Variants in CA10 observed in about 807,000 individuals in gnomAD.
CA10 encodes carbonic anhydrase 10 (inactive).
In CA10, 14 loss-of-function variants were observed where a neutral mutation model predicts 44.2. The observed-to-expected ratio is 0.32, with a 90% CI of 0.21 to 0.50. The LOEUF is 0.50. Ranked by LOEUF, CA10 falls within the 20% of genes least tolerant of loss-of-function variation. The probability of loss-of-function intolerance (pLI) is 0.99; values close to 1 mark genes in which losing one functional copy is unlikely to be tolerated. For missense variants in CA10, 350 were observed against 409.7 expected (o/e 0.85, Z 1.26); for synonymous variants, 159 against 141.6 (o/e 1.12, Z -0.87).
chr17:52,019,063 G>A (rs1215716014), intron 2 of CA10, among the ~76,000 whole-genome samples: 4 of 152,044 alleles, frequency 2.6e-5, no homozygotes, highest in African/African-American at 9.7e-5. Flanking sequence ...GCTTCTGGGG[G>A]CCATCACCAC....
intron 1 of CA10, among the ~76,000 whole-genome samples, chr17:52,080,471 A>C (rs1396955718): frequency 1.4e-5 from 2 of 147,658 alleles, no homozygotes; most frequent in Non-Finnish European, 3.0e-5. Context: ...TAAATAAATA[A>C]ATAAATAAAT....
chr17:52,005,719 T>TA (rs1233792038), intron 2 of CA10, among the ~76,000 whole-genome samples: 7 of 151,948 alleles, frequency 4.6e-5, no homozygotes, highest in Admixed American at 4.6e-4. Flanking sequence ...AAGATCCTTT[T>TA]ACATCCTCAC....
At chr17:51,824,325 T>C (rs1907929445) in intron 3 of CA10, among the ~76,000 whole-genome samples, 1 of 152,146 alleles carries the variant, frequency 6.6e-6, no homozygotes, top group Admixed American at 6.5e-5. Flanking sequence ...ATACATCCCT[T>C]CAGGTAGTTT....
intron 3 of CA10, among the ~76,000 whole-genome samples, chr17:51,801,847 C>T (rs1489896653): frequency 3.3e-5 from 5 of 152,192 alleles, no homozygotes; most frequent in Non-Finnish European, 7.3e-5. Context: ...GTGTAATTCC[C>T]ATAGTGGTTC....
chr17:51,774,802 A>G (rs921273574), intron 3 of CA10, among the ~76,000 whole-genome samples: 2 of 152,072 alleles, frequency 1.3e-5, no homozygotes, highest in African/African-American at 4.8e-5. Flanking sequence ...TTTTTCAAGT[A>G]ATTTTTATTT....
chr17:52,108,984 A>G (rs1031705873), intron 1 of CA10, among the ~76,000 whole-genome samples: 1 of 152,202 alleles, frequency 6.6e-6, no homozygotes, highest in Non-Finnish European at 1.5e-5. Flanking sequence ...ATTAAATTAC[A>G]AATTGCTGAT....
At chr17:51,770,985 G>T (rs945798983) in intron 3 of CA10, among the ~76,000 whole-genome samples, 1 of 151,774 alleles carries the variant, frequency 6.6e-6, no homozygotes, top group Non-Finnish European at 1.5e-5. Context: ...TTAGCCTGGC[G>T]TGGTGGTGCA....
chr17:51,658,237 C>T (rs1315652700), intron 4 of CA10, among the ~76,000 whole-genome samples: 2 of 152,126 alleles, frequency 1.3e-5, no homozygotes, highest in African/African-American at 4.8e-5. Flanking sequence ...TTACATGGGC[C>T]TGGAATTCAT....
chr17:51,802,586 A>T (rs1009609660), intron 3 of CA10, among the ~76,000 whole-genome samples: 1 of 141,020 alleles, frequency 7.1e-6, no homozygotes, highest in Admixed American at 7.4e-5. Context: ...AAAAAAAAAA[A>T]AACAACCAGA....
intron 3 of CA10, among the ~76,000 whole-genome samples, chr17:51,754,324 A>G (rs1315633589): frequency 6.9e-6 from 1 of 145,390 alleles, no homozygotes; most frequent in Non-Finnish European, 1.5e-5. Context: ...GTGTGTGTAC[A>G]TATATATGTA....
chr17:51,927,056 T>A (rs961143663), intron 3 of CA10, among the ~76,000 whole-genome samples: 5 of 152,210 alleles, frequency 3.3e-5, no homozygotes, highest in Admixed American at 3.3e-4. Flanking sequence ...CATCCCAGTC[T>A]CTTTTTTAGA....
chr17:52,120,434 T>C (rs1988989725), intron 1 of CA10, among the ~76,000 whole-genome samples: 1 of 139,690 alleles, frequency 7.2e-6, no homozygotes, highest in Admixed American at 6.9e-5. Flanking sequence ...ATCCTTATCC[T>C]TATCCTTATC....
chr17:51,636,049 G>GAA (rs1364546769), intron 6 of CA10, 40 bp from the exon 7 acceptor site: 1 of 1,396,452 alleles, frequency 7.2e-7, no homozygotes, highest in African/African-American at 1.4e-5. Context: ...GGTTTCTTGA[G>GAA]AAAGGGATGG....
At chr17:51,978,950 A>G (rs1032674543) in intron 2 of CA10, among the ~76,000 whole-genome samples, 1 of 152,072 alleles carries the variant, frequency 6.6e-6, no homozygotes, top group African/African-American at 2.4e-5. Flanking sequence ...GGCTTCCTGC[A>G]TGCCACAGCT....
At chr17:51,903,026 G>T (rs1221926264) in intron 3 of CA10, among the ~76,000 whole-genome samples, 1 of 152,176 alleles carries the variant, frequency 6.6e-6, no homozygotes, top group African/African-American at 2.4e-5. Context: ...CATGCTTTGT[G>T]TTGAATTCCG....
At chr17:51,912,327 G>A (rs1736740626) in intron 3 of CA10, among the ~76,000 whole-genome samples, 1 of 152,084 alleles carries the variant, frequency 6.6e-6, no homozygotes, top group Admixed American at 6.6e-5. Flanking sequence ...TAAAATATTA[G>A]CTCCAGTCTA....
chr17:51,956,703 A>G (rs952202860), intron 2 of CA10, among the ~76,000 whole-genome samples: 11 of 152,142 alleles, frequency 7.2e-5, no homozygotes, highest in Non-Finnish European at 5.9e-5. Flanking sequence ...AAAAGAAATT[A>G]TGGGGAAATC....
At chr17:51,992,082 G>T (rs1985062443) in intron 2 of CA10, among the ~76,000 whole-genome samples, 1 of 151,698 alleles carries the variant, frequency 6.6e-6, no homozygotes, top group Admixed American at 6.6e-5. Context: ...ATATTATTTT[G>T]GTTCTGGTTT....
chr17:51,721,596 A>C (rs1916351411), intron 4 of CA10, among the ~76,000 whole-genome samples: 1 of 151,974 alleles, frequency 6.6e-6, no homozygotes, highest in South Asian at 2.1e-4. Context: ...TGGCTTCCCA[A>C]AGTGTTGGGA....
Sources: allele counts gnomAD v4.1 joint callset (sites outside exome capture counted in the v4.1 genomes callset), GRCh38; gene constraint gnomAD v4.1.1; transcripts MANE v1.5; gene names NCBI Gene and HGNC (gene_info 2026-07-23, HGNC 2026-07-21).